ZNF541: variants seen among roughly 807,000 people sequenced by gnomAD.
ZNF541 encodes zinc finger protein 541.
A neutral mutation model predicts 123.5 loss-of-function variants in ZNF541; 23 were observed. That is an observed-to-expected ratio of 0.19 (90% CI 0.13 to 0.26). ZNF541 has a LOEUF of 0.26. Among genes scored for constraint, ZNF541 ranks in the 10% least tolerant of loss-of-function variants. ZNF541 has a pLI of 1.00. For missense variants in ZNF541, 1,612 were observed against 1,789.9 expected (o/e 0.90, Z 1.79); for synonymous variants, 751 against 754.5 (o/e 1.00, Z 0.08).
At chr19:47,540,765 A>G in intron 6 of ZNF541, 128 bp downstream of exon 6, 1 of 919,052 alleles carries the variant, frequency 1.1e-6, no homozygotes, top group Non-Finnish European at 1.6e-6. Flanking sequence ...AACCCTATAA[A>G]ATGGAGGCTG....
intron 2 of ZNF541, among the ~76,000 whole-genome samples, chr19:47,567,606 T>C (rs1428428276): frequency 6.6e-6 from 1 of 152,236 alleles, no homozygotes; most frequent in African/African-American, 2.4e-5. Flanking sequence ...CCATATCAGA[T>C]GGTGCAAATC....
chr19:47,558,743 C>A, intron 2 of ZNF541, among the ~76,000 whole-genome samples: 1 of 150,352 alleles, frequency 6.7e-6, no homozygotes, highest in Non-Finnish European at 1.5e-5. Flanking sequence ...CCACGCCCAG[C>A]TAATTTTTTT....
At chr19:47,530,409 CACG>C (rs1358393970) in intron 12 of ZNF541, among the ~76,000 whole-genome samples, 86 of 149,802 alleles carry the variant, frequency 5.7e-4, no homozygotes, top group African/African-American at 1.8e-3. Flanking sequence ...GTCTCGAACT[CACG>C]ACCTCAGGTG....
intron 14 of ZNF541, among the ~76,000 whole-genome samples, chr19:47,526,553 T>G (rs1969308141): frequency 6.8e-6 from 1 of 147,640 alleles, no homozygotes; most frequent in African/African-American, 2.5e-5. Context: ...AACAGACACC[T>G]CACCAAATAA....
chr19:47,547,058 T>G (rs559699214), intron 4 of ZNF541, among the ~76,000 whole-genome samples: 1 of 152,312 alleles, frequency 6.6e-6, no homozygotes, highest in South Asian at 2.1e-4. Context: ...GAGAGAGACC[T>G]GTTTAACTTT....
At chr19:47,535,266 C>G (rs982589961) in intron 9 of ZNF541, among the ~76,000 whole-genome samples, 1 of 152,168 alleles carries the variant, frequency 6.6e-6, no homozygotes, top group Admixed American at 6.6e-5. Flanking sequence ...AATTACAAAA[C>G]TCTTACAGGG....
intron 12 of ZNF541, among the ~76,000 whole-genome samples, chr19:47,531,128 C>T (rs148902977): frequency 1.8e-4 from 27 of 149,210 alleles, no homozygotes; most frequent in African/African-American, 6.3e-4. Flanking sequence ...AAAAGCAAGA[C>T]CATGGCATGA....
At chr19:47,532,089 GA>G (rs1568487140) in intron 11 of ZNF541, 38 bp downstream of exon 11, 1 of 1,546,274 alleles carries the variant, frequency 6.5e-7, no homozygotes, top group Middle Eastern at 1.9e-4. Context: ...GGAGGGGGAA[GA>G]AGGGCCCTTA....
At chr19:47,556,529 C>T (rs1031839392) in intron 2 of ZNF541, among the ~76,000 whole-genome samples, 1 of 151,698 alleles carries the variant, frequency 6.6e-6, no homozygotes, top group African/African-American at 2.4e-5. Flanking sequence ...AGGCTGGTCT[C>T]GAACTCCTGG....
Position 47,539,826 on chromosome 19 carries a change from C to T in ZNF541, c.2675G>A (p.Gly892Glu). The change falls in exon 8 of 17, where the codon GGG (glycine) becomes GAG (glutamate). Residue 892 changes from glycine (G) to glutamate (E), a missense_variant. Physicochemically the swap from Gly to Glu is moderately conservative, Grantham distance 98. Transcript: ENST00000391901. Reference sequence around the variant, plus strand: ...GGTTCCTGGGGGACTATGCCTGTCCCCTTCTGGCCTCAGCACCTGTCTTAG... The same window carrying T: ...GGTTCCTGGGGGACTATGCCTGTCCTCTTCTGGCCTCAGCACCTGTCTTAG... ...KPLRQVLRPEGDRHSPPGTKK... is the reference protein window; with the variant it reads ...KPLRQVLRPEEDRHSPPGTKK... The T allele has an allele frequency of 6.7e-7, 1 of 1,501,868 alleles. No homozygotes were observed. The highest frequency in any genetic ancestry group is 8.8e-7 in the Non-Finnish European group (1 of 1,132,622). 93.0% of individuals were successfully genotyped at this position (1,501,868 alleles called of 1,614,324 possible).
chr19:47,570,699 T>C (rs1016790164), intron 2 of ZNF541, among the ~76,000 whole-genome samples: 1 of 151,694 alleles, frequency 6.6e-6, no homozygotes, highest in Non-Finnish European at 1.5e-5. Context: ...AAACTTCTAA[T>C]ACAGCAAATG....
intron 1 of ZNF541, among the ~76,000 whole-genome samples, chr19:47,572,307 G>A (rs1016453122): frequency 3.9e-5 from 6 of 152,086 alleles, no homozygotes; most frequent in African/African-American, 7.2e-5. Flanking sequence ...GATAAAATAA[G>A]GATATTTGCT....
intron 8 of ZNF541, among the ~76,000 whole-genome samples, chr19:47,539,352 T>C (rs1290948303): frequency 6.8e-6 from 1 of 148,000 alleles, no homozygotes; most frequent in African/African-American, 2.5e-5. Context: ...CAGGCTAGAG[T>C]GCAGTGTTGT....
chr19:47,546,444 G>A (rs1406067007), intron 4 of ZNF541, among the ~76,000 whole-genome samples: 1 of 150,384 alleles, frequency 6.6e-6, no homozygotes, highest in East Asian at 2.0e-4. Context: ...AGGAGATGAA[G>A]TGCATTGCAG....
rs1262167386 is a variant in ZNF541, at chr19:47,544,163, G to C, written c.2366C>G (p.Pro789Arg). ...SFSSAGPPAD[P>R]SKSKLTIFSR... ...GAATATTGTCAGCTTGGACTTGGAG[G>C]GATCTGCCGGGGGCCCGGCCGATGA... The change falls in exon 5 of 17, where the codon CCC (proline) becomes CGC (arginine). Residue 789 changes from proline to arginine, a missense_variant. Physicochemically the swap from Pro to Arg is moderately radical, Grantham distance 103. Around this residue, in one of 5 missense-constraint regions of ZNF541, gnomAD observed 1,080 missense variants for 1,013.8 expected, o/e 1.07. Transcript: ENST00000391901. The C allele has an allele frequency of 6.4e-7, 1 of 1,551,600 alleles. No individual in the cohort carries two copies. The highest frequency in any genetic ancestry group is 8.7e-7 in the Non-Finnish European group (1 of 1,146,916).
intron 3 of ZNF541, among the ~76,000 whole-genome samples, chr19:47,552,157 A>G (rs1272761260): frequency 6.6e-6 from 1 of 152,178 alleles, no homozygotes; most frequent in East Asian, 1.9e-4. Flanking sequence ...CACTGTGCCC[A>G]GCCAAGATGG....
chr19:47,551,041 CTT>C (rs201167827), intron 3 of ZNF541, among the ~76,000 whole-genome samples: 1 of 144,172 alleles, frequency 6.9e-6, no homozygotes, highest in African/African-American at 2.6e-5. Flanking sequence ...ATTAGACTGT[CTT>C]TTTTTTTTTA....
At chr19:47,533,083 G>C (rs1384866882) in intron 9 of ZNF541, 111 bp from the exon 10 acceptor site, 2 of 976,286 alleles carry the variant, frequency 2.0e-6, no homozygotes, top group Non-Finnish European at 3.0e-6. Flanking sequence ...AGATCCCATG[G>C]GTTGGCCGGG....
At chr19:47,546,744 C>T (rs1241200462) in intron 4 of ZNF541, among the ~76,000 whole-genome samples, 1 of 151,990 alleles carries the variant, frequency 6.6e-6, no homozygotes, top group African/African-American at 2.4e-5. Context: ...GTTTTTGAGA[C>T]GGAGTCTTGC....
Sources: gnomAD v4.1 joint callset for allele counts (sites outside exome capture counted in the v4.1 genomes callset) on GRCh38, gnomAD v4.1.1 for gene constraint, gnomAD v4.1.1 regional missense constraint, MANE v1.5 for transcripts, NCBI Gene and HGNC (gene_info 2026-07-23, HGNC 2026-07-21) for gene names.